FREM2: variants seen among roughly 807,000 people sequenced by gnomAD.
FREM2 encodes FRAS1 related extracellular matrix 2, also known as FRAS1-related extracellular matrix protein 2.
A neutral mutation model predicts 219.9 loss-of-function variants in FREM2; 119 were observed. The observed-to-expected ratio is 0.54, with a 90% CI of 0.47 to 0.63. The LOEUF (loss-of-function observed/expected upper bound fraction) is 0.63, where lower values mean the gene tolerates loss of function less well. Among genes scored for constraint, FREM2 ranks in the 30% least tolerant of loss-of-function variants. The probability of loss-of-function intolerance (pLI) is 0.00; values close to 1 mark genes in which losing one functional copy is unlikely to be tolerated. For synonymous variants in FREM2, 1,562 were observed against 1,522.8 expected, an observed-to-expected ratio of 1.03 and a Z score of -0.60; for missense variants, 4,030 against 3,993.6, an observed-to-expected ratio of 1.01 and a Z score of -0.25.
At chr13:38,704,781 G>T (rs752719908) in intron 2 of FREM2, among the ~76,000 whole-genome samples, 1 of 152,154 alleles carries the variant, frequency 6.6e-6, no homozygotes, top group Non-Finnish European at 1.5e-5. Flanking sequence ...ATGCATGGCT[G>T]GGGAGGCCTC....
chr13:38,882,545 A>G lies in FREM2; in HGVS notation c.*1758A>G, dbSNP rs1349355717. 1 of 152,190 alleles carries G rather than the reference A, an allele frequency of 6.6e-6. No homozygotes were observed. Among genetic ancestry groups the G allele is most frequent in the African/African-American group, 2.4e-5 (1 of 41,454 alleles). 9.4% of individuals were successfully genotyped at this position (152,190 alleles called of 1,614,324 possible). On this transcript the variant is annotated 3_prime_UTR_variant, in exon 24 of 24. Coordinates refer to ENST00000280481, the MANE Select transcript of FREM2 (RefSeq NM_207361.6). ...GTTCAGTTTTTTAAAAATAGACTGT[A>G]GTATCCTTTCATTGGAGAATTTACA...
chr13:38,730,549 A>C (rs777411087), intron 2 of FREM2, among the ~76,000 whole-genome samples: 4 of 152,232 alleles, frequency 2.6e-5, no homozygotes, highest in Non-Finnish European at 4.4e-5. Flanking sequence ...GGAGAGTCTC[A>C]TTAAGACTTG....
At chr13:38,750,627 T>G (rs1872707634) in intron 2 of FREM2, among the ~76,000 whole-genome samples, 2 of 152,218 alleles carry the variant, frequency 1.3e-5, no homozygotes. Flanking sequence ...ATTTCCTTTC[T>G]TTTGGGTATA....
intron 2 of FREM2, among the ~76,000 whole-genome samples, chr13:38,701,709 A>G (rs1486451597): frequency 1.3e-5 from 2 of 151,964 alleles, no homozygotes; most frequent in African/African-American, 2.4e-5. Context: ...CTCAACCCTA[A>G]TGATTGTTAA....
At chr13:38,782,316 A>G (rs1214523561) in intron 4 of FREM2, among the ~76,000 whole-genome samples, 1 of 152,168 alleles carries the variant, frequency 6.6e-6, no homozygotes, top group Non-Finnish European at 1.5e-5. Context: ...TTATTGTTTT[A>G]CATGATAACT....
chr13:38,688,811 T>C lies in FREM2; in HGVS notation c.1467T>C (p.His489=). ...TAGAGGTGGTGGCTGGGCTCCGGCA[T>C]GGTCACCTTGTCATTCTGGGTGCTT... The part of the protein sequence containing the change: ...VRLEVVAGLR[H]GHLVILGASS... Residue 489 remains histidine (H), a synonymous_variant, in exon 1 of 24, where the codon CAT becomes CAC. Transcript: ENST00000280481. 1.9e-6 allele frequency: 3 copies of C among 1,614,024 alleles called. No homozygotes were observed. Among genetic ancestry groups the C allele is most frequent in the Non-Finnish European group, 2.5e-6 (3 of 1,180,026 alleles).
rs575804081 is a variant in FREM2, at chr13:38,795,186, A to G, written c.6019+10378A>G. 6.2e-4 allele frequency among the ~76,000 whole-genome samples: 94 copies of G among 152,236 alleles called. 1 individual carries two copies. The highest frequency in any genetic ancestry group is 3.9e-3 in the Admixed American group (59 of 15,252). On this transcript the variant is annotated intron_variant, in intron 6 of 23. Transcript: ENST00000280481. Reference sequence around the variant, plus strand: ...CCGGAAAAAAATGGTCCAAAAACATATAGGTCAACATTGGTCAAGAAGGAG... The same window carrying G: ...CCGGAAAAAAATGGTCCAAAAACATGTAGGTCAACATTGGTCAAGAAGGAG...
chr13:38,687,720 C>A lies in FREM2; in HGVS notation c.376C>A (p.Arg126Ser). Residue 126 changes from arginine (R) to serine (S), a missense_variant, in exon 1 of 24, where the codon CGC becomes AGC. By Grantham distance (110) the Arg-to-Ser change is moderately radical (BLOSUM62 -1). Around this residue, in one of 2 missense-constraint regions of FREM2, gnomAD observed 3,102 missense variants for 2,950.7 expected, o/e 1.05. Transcript: ENST00000280481. ...GCGACCGGGCCGCCTGAGTCCCAAGCGCTTCCCGTGCGACTTTGGCCCTGG... is the reference window on the plus strand; with the variant it reads ...GCGACCGGGCCGCCTGAGTCCCAAGAGCTTCCCGTGCGACTTTGGCCCTGG... ...AQRPGRLSPK[R>S]FPCDFGPGEV... 1 of 1,554,482 alleles carries A rather than the reference C, an allele frequency of 6.4e-7. No individual in the cohort carries two copies. The highest frequency in any genetic ancestry group is 8.7e-7 in the Non-Finnish European group (1 of 1,147,684).
intron 2 of FREM2, among the ~76,000 whole-genome samples, chr13:38,751,190 TTC>T (rs1315494517): frequency 1.4e-5 from 1 of 73,814 alleles, no homozygotes; most frequent in South Asian, 4.4e-4. Flanking sequence ...CATATGACAG[TTC>T]TTTTTTTTTT....
At chr13:38,852,522 T>A (rs1428448715) in intron 11 of FREM2, among the ~76,000 whole-genome samples, 1 of 152,178 alleles carries the variant, frequency 6.6e-6, no homozygotes, top group Non-Finnish European at 1.5e-5. Context: ...GTGATAATAA[T>A]CTATTTTAGT....
chr13:38,688,048 A>G lies in FREM2; in HGVS notation c.704A>G (p.His235Arg), dbSNP rs1291136992. The G allele has an allele frequency of 2.5e-6, 4 of 1,608,856 alleles. No individual in the cohort carries two copies. Among genetic ancestry groups the G allele is most frequent in the Non-Finnish European group, 3.4e-6 (4 of 1,176,106 alleles). ...GALPRYGELL[H>R]YPQVPGGARE... ...CTGCCTCGCTATGGAGAACTCCTCC[A>G]CTACCCGCAGGTCCCTGGAGGAGCC... Residue 235 changes from histidine to arginine, a missense_variant, in exon 1 of 24, where the codon CAC (histidine) becomes CGC (arginine). Physicochemically the swap from His to Arg is conservative, Grantham distance 29. Around this residue, in one of 2 missense-constraint regions of FREM2, gnomAD observed 3,102 missense variants for 2,950.7 expected, o/e 1.05. Coordinates refer to ENST00000280481, the MANE Select transcript of FREM2 (RefSeq NM_207361.6).
intron 2 of FREM2, among the ~76,000 whole-genome samples, chr13:38,717,126 G>C (rs1334461396): frequency 6.6e-6 from 1 of 152,146 alleles, no homozygotes; most frequent in East Asian, 1.9e-4. Flanking sequence ...TTCAAGTCAA[G>C]ACTGAATAAC....
intron 6 of FREM2, among the ~76,000 whole-genome samples, chr13:38,789,893 C>T (rs568024649): frequency 6.6e-6 from 1 of 151,182 alleles, no homozygotes; most frequent in Non-Finnish European, 1.5e-5. Flanking sequence ...TTATGTTTTT[C>T]GCTTCAACTG....
intron 2 of FREM2, among the ~76,000 whole-genome samples, chr13:38,739,627 C>T (rs1872154650): frequency 6.6e-6 from 1 of 152,132 alleles, no homozygotes; most frequent in Non-Finnish European, 1.5e-5. Context: ...AGGAAGTCTC[C>T]TCTCAACTCT....
intron 16 of FREM2, among the ~76,000 whole-genome samples, chr13:38,865,496 G>A (rs764943510): frequency 6.6e-5 from 10 of 152,212 alleles, no homozygotes; most frequent in Non-Finnish European, 1.3e-4. Context: ...ACTATATAAT[G>A]CCCTTCCAGA....
In FREM2 at chr13:38,769,585, C is replaced by T; in HGVS notation, c.5418C>T (p.Gly1806=). 6.2e-7 allele frequency: 1 copy of T among 1,612,918 alleles called. No homozygotes were observed. Among genetic ancestry groups the T allele is most frequent in the Non-Finnish European group, 8.5e-7 (1 of 1,178,972 alleles). ...YLGETSFISI[G]TRDRTAEKDK... ...TATTATGTTTTTGTGAAGGTATTGG[C>T]ACAAGAGACAGAACTGCAGAAAAAG... The change falls in exon 4 of 24, where the codon GGC becomes GGT. Residue 1806 remains glycine (G), a synonymous_variant. Coordinates refer to ENST00000280481, the MANE Select transcript of FREM2 (RefSeq NM_207361.6).
At chr13:38,804,967 C>A (rs1875167110) in intron 6 of FREM2, among the ~76,000 whole-genome samples, 2 of 152,078 alleles carry the variant, frequency 1.3e-5, no homozygotes. Context: ...TCTTCTCTAG[C>A]CAATTTTCCT....
chr13:38,797,936 A>G (rs1271289980), intron 6 of FREM2, among the ~76,000 whole-genome samples: 2 of 152,020 alleles, frequency 1.3e-5, no homozygotes, highest in Admixed American at 6.6e-5. Flanking sequence ...AATTTGACTT[A>G]CTTTTTTTCC....
At chr13:38,820,989 A>G (rs1876024400) in intron 6 of FREM2, among the ~76,000 whole-genome samples, 1 of 152,194 alleles carries the variant, frequency 6.6e-6, no homozygotes, top group Non-Finnish European at 1.5e-5. Flanking sequence ...TAATAGATGT[A>G]CTATTTTCTG....
Sources: gnomAD v4.1 joint callset for allele counts (sites outside exome capture counted in the v4.1 genomes callset) on GRCh38, gnomAD v4.1.1 for gene constraint, gnomAD v4.1.1 regional missense constraint, MANE v1.5 for transcripts, NCBI Gene and HGNC (gene_info 2026-07-23, HGNC 2026-07-21) for gene names.